Variants in ATP1B3 observed in about 807,000 individuals in gnomAD.
ATP1B3 encodes the protein ATPase Na+/K+ transporting subunit beta 3.
Under a neutral mutation model 30.2 loss-of-function variants are expected in ATP1B3, and 10 were observed. That is an observed-to-expected ratio of 0.33 (90% CI 0.20 to 0.56). The LOEUF is 0.56. ATP1B3 is among the 20% of genes least tolerant of loss of function. The pLI, the probability that ATP1B3 is intolerant of heterozygous loss-of-function variation, is 0.90. For missense variants in ATP1B3, 238 were observed against 336.7 expected (o/e 0.71, Z 2.29); for synonymous variants, 113 against 117.0 (o/e 0.97, Z 0.22).
intron 1 of ATP1B3, 38 bp downstream of exon 1, chr3:141,876,948 G>A (rs1032906628): frequency 2.7e-6 from 4 of 1,489,962 alleles, no homozygotes; most frequent in Non-Finnish European, 2.7e-6. Context: ...GGCCGGCCTC[G>A]GTCCCGGGGG....
chr3:141,896,986 G>A (rs1934077911), intron 1 of ATP1B3, among the ~76,000 whole-genome samples: 1 of 152,084 alleles, frequency 6.6e-6, no homozygotes, highest in Non-Finnish European at 1.5e-5. Context: ...GAGCAGCCTG[G>A]GTGTGGAGGC....
rs947202026 is a variant in ATP1B3 at position 141,922,002 on chromosome 3, T to C, written c.608T>C (p.Val203Ala). 7 of 1,549,114 alleles carry C rather than the reference T, an allele frequency of 4.5e-6. No homozygotes were observed. Among genetic ancestry groups the C allele is most frequent in the Non-Finnish European group, 6.2e-6 (7 of 1,138,120 alleles). Reference sequence around the variant, plus strand: ...AATGAAGATATACCAAATGTAGCAGTTTATCCTCATAATGGAATGATAGAC... The same window carrying C: ...AATGAAGATATACCAAATGTAGCAGCTTATCCTCATAATGGAATGATAGAC... ...SKNEDIPNVAVYPHNGMIDLK... is the reference protein window; with the variant it reads ...SKNEDIPNVAAYPHNGMIDLK... Residue 203 changes from valine (V) to alanine (A), a missense_variant, in exon 6 of 7, where the codon GTT becomes GCT. Physicochemically the swap from Val to Ala is moderately conservative, Grantham distance 64. Transcript: ENST00000286371.
At chr3:141,923,081 C>T (rs1204835920) in intron 6 of ATP1B3, among the ~76,000 whole-genome samples, 1 of 152,102 alleles carries the variant, frequency 6.6e-6, no homozygotes, top group East Asian at 1.9e-4. Context: ...AGTTCTAGAC[C>T]AGCCTGACTA....
At chr3:141,877,008 G>T (rs1431651151) in intron 1 of ATP1B3, 98 bp downstream of exon 1, 4 of 960,644 alleles carry the variant, frequency 4.2e-6, no homozygotes, top group Non-Finnish European at 5.7e-6. Flanking sequence ...GGCTCCCAGC[G>T]CCGGGGCTCC....
At chr3:141,911,584 T>A (rs1017665430) in intron 3 of ATP1B3, among the ~76,000 whole-genome samples, 2 of 150,476 alleles carry the variant, frequency 1.3e-5, no homozygotes, top group Non-Finnish European at 3.0e-5. Context: ...AACCACCGCC[T>A]CCTGGGTTCA....
chr3:141,882,334 TTA>T (rs1415500262), intron 1 of ATP1B3, among the ~76,000 whole-genome samples: 1 of 152,160 alleles, frequency 6.6e-6, no homozygotes, highest in East Asian at 1.9e-4. Flanking sequence ...TATTAACATT[TTA>T]TGTCTTTTTC....
intron 1 of ATP1B3, among the ~76,000 whole-genome samples, chr3:141,883,747 G>A (rs1933779351): frequency 6.6e-6 from 1 of 152,164 alleles, no homozygotes; most frequent in Admixed American, 6.5e-5. Flanking sequence ...CTGCAGTATT[G>A]TTTTTAATGG....
intron 3 of ATP1B3, among the ~76,000 whole-genome samples, chr3:141,907,836 A>G (rs1934289701): frequency 6.6e-6 from 1 of 152,178 alleles, no homozygotes; most frequent in African/African-American, 2.4e-5. Context: ...CTGTCTTATA[A>G]TAAGGACACT....
chr3:141,919,713 C>G (rs1212241157), intron 5 of ATP1B3, among the ~76,000 whole-genome samples: 2 of 152,014 alleles, frequency 1.3e-5, no homozygotes, highest in South Asian at 2.1e-4. Flanking sequence ...CCAAGGTAGG[C>G]GGATCACCAG....
At chr3:141,890,285 C>CTTTTTTTTTT (rs775182342) in intron 1 of ATP1B3, among the ~76,000 whole-genome samples, 2 of 28,568 alleles carry the variant, frequency 7.0e-5, no homozygotes, top group Non-Finnish European at 1.2e-4. Context: ...TTTTGTGGGG[C>CTTTTTTTTTT]TTTTTTTTTT....
intron 1 of ATP1B3, among the ~76,000 whole-genome samples, chr3:141,900,176 G>GC (rs977195336): frequency 2.0e-5 from 3 of 152,068 alleles, no homozygotes; most frequent in Non-Finnish European, 4.4e-5. Flanking sequence ...TCAAGATGGA[G>GC]CATGGTCCCC....
chr3:141,888,065 C>T (rs1304294580), intron 1 of ATP1B3, among the ~76,000 whole-genome samples: 8 of 152,102 alleles, frequency 5.3e-5, no homozygotes, highest in Admixed American at 5.2e-4. Context: ...TGCATTTTTT[C>T]TCAATTTTAG....
chr3:141,904,885 A>G (rs1559870333), intron 2 of ATP1B3, among the ~76,000 whole-genome samples: 2 of 151,350 alleles, frequency 1.3e-5, no homozygotes, highest in Non-Finnish European at 2.9e-5. Flanking sequence ...AATTTTTTGT[A>G]TTTTTAGTAG....
Position 141,876,699 on chromosome 3 carries a change from C to A in ATP1B3, c.-103C>A. On this transcript the variant is annotated 5_prime_UTR_variant, in exon 1 of 7. It adds an upstream start codon to the 5' untranslated region. Transcript: ENST00000286371. ...GTGTTCTCGGCCGTCCCACCCTTCA[C>A]TGCCGTCTCCGGGCTGCGCCGCCGG... 1 of 809,376 alleles carries A rather than the reference C, an allele frequency of 1.2e-6. No homozygotes were observed. Among genetic ancestry groups the A allele is most frequent in the Non-Finnish European group, 2.0e-6 (1 of 506,384 alleles). The allele number at this position is 809,376 out of a possible 1,614,324, so 50.1% of individuals were successfully genotyped here. A position where few individuals can be genotyped will look rare whatever the true frequency, so the allele number is the denominator to read the frequency against.
At chr3:141,920,466 G>A (rs1265501597) in intron 5 of ATP1B3, among the ~76,000 whole-genome samples, 1 of 151,888 alleles carries the variant, frequency 6.6e-6, no homozygotes, top group Non-Finnish European at 1.5e-5. Flanking sequence ...GGAGGAGGCT[G>A]CAGTGAGCCA....
chr3:141,887,937 G>A (rs901300685), intron 1 of ATP1B3, among the ~76,000 whole-genome samples: 2 of 152,214 alleles, frequency 1.3e-5, no homozygotes, highest in Admixed American at 6.5e-5. Flanking sequence ...GGACGTGACG[G>A]AACTTTCAGG....
intron 1 of ATP1B3, among the ~76,000 whole-genome samples, chr3:141,902,482 G>A (rs556236057): frequency 3.9e-5 from 6 of 152,152 alleles, no homozygotes; most frequent in Non-Finnish European, 8.8e-5. Context: ...TCTTTGATCA[G>A]TTTTTAAACC....
intron 1 of ATP1B3, among the ~76,000 whole-genome samples, chr3:141,899,603 C>T (rs2107770865): frequency 6.6e-6 from 1 of 152,302 alleles, no homozygotes; most frequent in South Asian, 2.1e-4. Flanking sequence ...GATGCAGTGG[C>T]TCACGCCTGT....
At chr3:141,887,866 A>G (rs768724296) in intron 1 of ATP1B3, among the ~76,000 whole-genome samples, 2 of 151,732 alleles carry the variant, frequency 1.3e-5, no homozygotes, top group African/African-American at 4.8e-5. Context: ...CCTATGCTGG[A>G]AAAAAAAACC....
Sources: gnomAD v4.1 joint callset for allele counts (sites outside exome capture counted in the v4.1 genomes callset) on GRCh38, gnomAD v4.1.1 for gene constraint, MANE v1.5 for transcripts, NCBI Gene and HGNC (gene_info 2026-07-23, HGNC 2026-07-21) for gene names.